TAF3: variants seen among roughly 807,000 people sequenced by gnomAD.
TAF3 encodes the protein transcription initiation factor TFIID subunit 3.
TAF3 carries 7 observed loss-of-function variants against 80.6 expected under a neutral mutation model. The observed-to-expected ratio is 0.09, with a 90% CI of 0.05 to 0.16. The LOEUF (loss-of-function observed/expected upper bound fraction) is 0.16. Among genes scored for constraint, TAF3 ranks in the 10% least tolerant of loss-of-function variants. The probability of loss-of-function intolerance (pLI) is 1.00; values close to 1 mark genes in which losing one functional copy is unlikely to be tolerated. For synonymous variants in TAF3, 444 were observed against 446.1 expected, an observed-to-expected ratio of 1.00 and a Z score of 0.06; for missense variants, 921 against 1,140.2, an observed-to-expected ratio of 0.81 and a Z score of 2.77.
chr10:7,968,072 C>T (rs1166358393), intron 3 of TAF3, among the ~76,000 whole-genome samples: 2 of 152,068 alleles, frequency 1.3e-5, no homozygotes, highest in Non-Finnish European at 2.9e-5. Context: ...ACCTGAAATG[C>T]GGTTCCATAT....
At position 8,015,853 on chromosome 10, in the gene TAF3, A is replaced by ATCCTTTT. The variant is rs1482776415; in HGVS notation, c.*1102_*1103insTCCTTTT. On this transcript the variant is annotated 3_prime_UTR_variant, in exon 7 of 7. Transcript: ENST00000344293. ...CTAAAAGGACATGTAGTTTCCATGA[A>ATCCTTTT]AGTAAAAAAAAAAAACAACAAAAAA... 4 of 151,392 alleles carry ATCCTTTT rather than the reference A, an allele frequency of 2.6e-5. No individual in the cohort carries two copies. The highest frequency in any genetic ancestry group is 9.7e-5 in the African/African-American group (4 of 41,308). 9.4% of individuals were successfully genotyped at this position (151,392 alleles called of 1,614,324 possible).
chr10:7,916,350 T>G (rs542454766), intron 2 of TAF3, among the ~76,000 whole-genome samples: 1 of 152,378 alleles, frequency 6.6e-6, no homozygotes, highest in Non-Finnish European at 1.5e-5. Flanking sequence ...ATTAGCCTTA[T>G]GCACCATCAC....
chr10:7,881,043 C>G (rs1310268493), intron 2 of TAF3, among the ~76,000 whole-genome samples: 1 of 152,088 alleles, frequency 6.6e-6, no homozygotes, highest in Non-Finnish European at 1.5e-5. Flanking sequence ...GGAGACCAGC[C>G]TGGGCACCAT....
At chr10:7,963,289 T>C (rs1458382983) in intron 2 of TAF3, among the ~76,000 whole-genome samples, 2 of 152,252 alleles carry the variant, frequency 1.3e-5, no homozygotes, top group African/African-American at 4.8e-5. Flanking sequence ...CGTGTGCTTC[T>C]ATGTGCATGA....
chr10:7,846,833 A>G (rs72782716), intron 2 of TAF3, among the ~76,000 whole-genome samples: 7,552 of 152,304 alleles, frequency 0.05, 235 homozygotes, highest in Non-Finnish European at 0.076. Context: ...AAAAAAGACT[A>G]AAATAATAAG....
Position 7,967,124 on chromosome 10 carries a change from G to T in TAF3, c.2232+1382G>T, listed in dbSNP as rs191610896. 6.6e-4 allele frequency among the ~76,000 whole-genome samples: 100 copies of T among 152,312 alleles called. 1 individual carries two copies. Among genetic ancestry groups the T allele is most frequent in the Admixed American group, 5.0e-3 (76 of 15,304 alleles). ...GAGCCTGAGAGAGTGACTTGTCCAA[G>T]ATCAGGATGACACAGCTAGCAAGAG... On this transcript the variant is annotated intron_variant, in intron 3 of 6. Transcript: ENST00000344293.
rs1162726965 is a variant in TAF3 at position 8,008,092 on chromosome 10, C to CTTT, written c.2316-966_2316-964dup. Reference sequence around the variant, plus strand: ...CCTCTGCAGCCCGTCTGGGAACAATCTTTTTTTTTTTTTTTTTTTTTTGAG... The same window carrying CTTT: ...CCTCTGCAGCCCGTCTGGGAACAATCTTTTTTTTTTTTTTTTTTTTTTTTTGAG... On this transcript the variant is annotated intron_variant, in intron 4 of 6. Coordinates refer to ENST00000344293, the MANE Select transcript of TAF3 (RefSeq NM_031923.4). 4.0e-3 allele frequency among the ~76,000 whole-genome samples: 421 copies of CTTT among 105,962 alleles called. 3 individuals carry two copies. Among genetic ancestry groups the CTTT allele is most frequent in the Non-Finnish European group, 5.8e-3 (311 of 53,882 alleles). The allele number at this position is 105,962 out of a possible 152,430, so 69.5% of individuals were successfully genotyped here.
At chr10:7,818,997 T>G in intron 1 of TAF3, 122 bp downstream of exon 1, 3 of 1,022,222 alleles carry the variant, frequency 2.9e-6, no homozygotes, top group Non-Finnish European at 1.3e-6. Flanking sequence ...ATCTGCTGTT[T>G]CCTCGGCCTC....
rs370370175 is a variant in TAF3, at chr10:7,862,855, G to A, written c.409+38295G>A. 6.8e-4 allele frequency among the ~76,000 whole-genome samples: 104 copies of A among 152,152 alleles called. 1 individual carries two copies. The highest frequency in any genetic ancestry group is 5.0e-3 in the South Asian group (24 of 4,818). ...ATTCATCCAAAATTCTGGATATTTT[G>A]CAAATATCCATAAGTTACTCCTTTT... On this transcript the variant is annotated intron_variant, in intron 2 of 6. Coordinates refer to ENST00000344293, the MANE Select transcript of TAF3 (RefSeq NM_031923.4).
At position 7,957,383 on chromosome 10, in the gene TAF3, C is replaced by T. The variant is rs150035409; in HGVS notation, c.410-6537C>T. Among the ~76,000 whole-genome samples the T allele has an allele frequency of 3.9e-3, 589 of 152,134 alleles. 3 individuals are homozygous for T. The highest frequency in any genetic ancestry group is 0.013 in the African/African-American group (529 of 41,494). Reference sequence around the variant, plus strand: ...GCTGCTATTGGTTTTACAGAGATCACGGGGAGGAGAATTGTTTTTTGTTTT... The same window carrying T: ...GCTGCTATTGGTTTTACAGAGATCATGGGGAGGAGAATTGTTTTTTGTTTT... On this transcript the variant is annotated intron_variant, in intron 2 of 6. Transcript: ENST00000344293.
intron 2 of TAF3, among the ~76,000 whole-genome samples, chr10:7,850,292 C>T (rs1008569604): frequency 1.3e-5 from 2 of 152,072 alleles, no homozygotes; most frequent in Admixed American, 6.5e-5. Context: ...TTTTATACTG[C>T]GACGGATAGG....
At chr10:7,933,021 C>A (rs1837883457) in intron 2 of TAF3, among the ~76,000 whole-genome samples, 1 of 151,810 alleles carries the variant, frequency 6.6e-6, no homozygotes, top group Non-Finnish European at 1.5e-5. Context: ...TAGAAGGAAA[C>A]CCAATTCTGC....
chr10:7,998,000 A>G (rs1831905517), intron 4 of TAF3, among the ~76,000 whole-genome samples: 1 of 152,100 alleles, frequency 6.6e-6, no homozygotes, highest in Non-Finnish European at 1.5e-5. Context: ...TAAAATTAAA[A>G]GGATTGTTTT....
At chr10:7,993,123 A>G (rs908258695) in intron 4 of TAF3, among the ~76,000 whole-genome samples, 9 of 152,176 alleles carry the variant, frequency 5.9e-5, no homozygotes, top group African/African-American at 2.2e-4. Flanking sequence ...CTTATATCTC[A>G]TAAGGACTTG....
chr10:7,897,526 T>C (rs1464390422), intron 2 of TAF3, among the ~76,000 whole-genome samples: 1 of 152,220 alleles, frequency 6.6e-6, no homozygotes, highest in African/African-American at 2.4e-5. Flanking sequence ...GTGTTTTGTT[T>C]TTTTCATGGT....
intron 2 of TAF3, among the ~76,000 whole-genome samples, chr10:7,828,501 G>C (rs1836765777): frequency 6.6e-6 from 1 of 152,168 alleles, no homozygotes; most frequent in Non-Finnish European, 1.5e-5. Flanking sequence ...AGTTCTGATG[G>C]CTGGTACCCA....
At chr10:7,869,275 CTG>C (rs1288724233) in intron 2 of TAF3, among the ~76,000 whole-genome samples, 1 of 151,218 alleles carries the variant, frequency 6.6e-6, no homozygotes, top group South Asian at 2.1e-4. Context: ...GTGTGTGTGT[CTG>C]TGTGTGTGTG....
At chr10:8,001,278 A>G (rs1286882975) in intron 4 of TAF3, among the ~76,000 whole-genome samples, 1 of 152,184 alleles carries the variant, frequency 6.6e-6, no homozygotes, top group East Asian at 1.9e-4. Context: ...CTAGCCTGAC[A>G]GTACCAGGTG....
chr10:7,982,174 A>G (rs1010626289), intron 4 of TAF3, among the ~76,000 whole-genome samples: 2 of 152,092 alleles, frequency 1.3e-5, no homozygotes, highest in African/African-American at 4.8e-5. Flanking sequence ...TTTCCTTTCT[A>G]TACTTGAAGT....
Sources: allele counts gnomAD v4.1 joint callset (sites outside exome capture counted in the v4.1 genomes callset), GRCh38; gene constraint gnomAD v4.1.1; transcripts MANE v1.5; gene names NCBI Gene and HGNC (gene_info 2026-07-23, HGNC 2026-07-21).